PSMD1: variants seen among roughly 807,000 people sequenced by gnomAD.
PSMD1 encodes the protein proteasome 26S subunit, non-ATPase 1, also known as 26S proteasome non-ATPase regulatory subunit 1.
Under a neutral mutation model 119.0 loss-of-function variants are expected in PSMD1, and 18 were observed. The observed-to-expected ratio is 0.15, with a 90% CI of 0.10 to 0.22. PSMD1 has a LOEUF of 0.22. Among genes scored for constraint, PSMD1 ranks in the 10% least tolerant of loss-of-function variants. PSMD1 has a pLI of 1.00. For synonymous variants in PSMD1, 374 were observed against 396.6 expected, an observed-to-expected ratio of 0.94 and a Z score of 0.68; for missense variants, 702 against 1,158.5, an observed-to-expected ratio of 0.61 and a Z score of 5.72.
chr2:231,137,279 C>T (rs1574762784), intron 16 of PSMD1, among the ~76,000 whole-genome samples: 2 of 151,580 alleles, frequency 1.3e-5, no homozygotes, highest in East Asian at 3.9e-4. Flanking sequence ...CCATGCCTGG[C>T]TAATTTTTGT....
At position 231,120,760 on chromosome 2, in the gene PSMD1, T is replaced by C. The variant is rs571664726; in HGVS notation, c.1884-17976T>C. Among the ~76,000 whole-genome samples, 20 of 152,356 alleles carry C rather than the reference T, an allele frequency of 1.3e-4. 1 individual carries two copies. The South Asian group carries it at 4.1e-3, about 32-fold the overall frequency. On this transcript the variant is annotated intron_variant, in intron 16 of 24. Coordinates refer to ENST00000308696, the MANE Select transcript of PSMD1 (RefSeq NM_002807.4). Reference sequence around the variant, plus strand: ...TTTCATTGAATTCCCCTGCGATAGCTAAAATTATTGCTCATAGTGATAGTT... The same window carrying C: ...TTTCATTGAATTCCCCTGCGATAGCCAAAATTATTGCTCATAGTGATAGTT...
chr2:231,077,553 C>CA (rs1002352947), intron 9 of PSMD1, among the ~76,000 whole-genome samples: 28 of 145,842 alleles, frequency 1.9e-4, no homozygotes, highest in Admixed American at 6.8e-4. Context: ...TCTTTTATTA[C>CA]AAAAAAAAAA....
chr2:231,109,295 A>G, intron 16 of PSMD1: 1 of 1,614,194 alleles, frequency 6.2e-7, no homozygotes, highest in Non-Finnish European at 8.5e-7. Context: ...GAAGGCAGCC[A>G]GTGAGCCAAA....
At chr2:231,125,437 A>G (rs1056860875) in intron 16 of PSMD1, among the ~76,000 whole-genome samples, 3 of 152,184 alleles carry the variant, frequency 2.0e-5, no homozygotes. Flanking sequence ...AGTGATTTCT[A>G]CAGTTCTGAT....
intron 19 of PSMD1, among the ~76,000 whole-genome samples, chr2:231,159,543 T>G (rs1014510796): frequency 6.6e-6 from 1 of 152,224 alleles, no homozygotes; most frequent in African/African-American, 2.4e-5. Context: ...TACAGTTTGC[T>G]TCAGTCCCCA....
chr2:231,083,845 C>A, intron 14 of PSMD1, 82 bp downstream of exon 14: 1 of 1,343,174 alleles, frequency 7.4e-7, no homozygotes, highest in Non-Finnish European at 1.0e-6. Flanking sequence ...TAACTCTGTT[C>A]CCATCAGAAC....
intron 16 of PSMD1, among the ~76,000 whole-genome samples, chr2:231,096,693 T>G (rs567569915): frequency 1.2e-4 from 19 of 152,320 alleles, no homozygotes; most frequent in Non-Finnish European, 2.1e-4. Context: ...GATGGAGCAG[T>G]GGTGAGCGCA....
At chr2:231,118,874 T>C (rs528070099) in intron 16 of PSMD1, among the ~76,000 whole-genome samples, 17 of 152,362 alleles carry the variant, frequency 1.1e-4, no homozygotes, top group African/African-American at 3.6e-4. Context: ...CATGAACTTA[T>C]TGCAGCAGGA....
intron 16 of PSMD1, among the ~76,000 whole-genome samples, chr2:231,088,688 C>G (rs1694513362): frequency 6.6e-6 from 1 of 152,200 alleles, no homozygotes; most frequent in African/African-American, 2.4e-5. Flanking sequence ...ATCTCTCTCC[C>G]TCTTCTTGGG....
chr2:231,117,569 C>G (rs1323040062), intron 16 of PSMD1, among the ~76,000 whole-genome samples: 2 of 152,072 alleles, frequency 1.3e-5, no homozygotes, highest in African/African-American at 2.4e-5. Context: ...GTTTAATTAT[C>G]TAAAGAATAT....
chr2:231,074,327 A>C (rs1372497721), intron 7 of PSMD1, among the ~76,000 whole-genome samples: 2 of 152,190 alleles, frequency 1.3e-5, no homozygotes, highest in Admixed American at 6.5e-5. Flanking sequence ...GCTGGTCTCG[A>C]ACTCCTGACC....
chr2:231,161,242 A>AG, intron 19 of PSMD1, 98 bp from the exon 20 acceptor site: 1 of 1,263,030 alleles, frequency 7.9e-7, no homozygotes, highest in Non-Finnish European at 1.1e-6. Context: ...TCTCTTTAAA[A>AG]AAAAAAAAAA....
chr2:231,107,481 G>A (rs1695004139), intron 16 of PSMD1, among the ~76,000 whole-genome samples: 1 of 152,150 alleles, frequency 6.6e-6, no homozygotes, highest in Non-Finnish European at 1.5e-5. Flanking sequence ...AAAGTAGATT[G>A]AATTGTCTAC....
chr2:231,119,251 A>G (rs534975270), intron 16 of PSMD1, among the ~76,000 whole-genome samples: 6 of 152,210 alleles, frequency 3.9e-5, no homozygotes, highest in Admixed American at 3.9e-4. Flanking sequence ...AATAACTGCC[A>G]TTTTTCTCTT....
At chr2:231,137,148 C>G (rs1397923391) in intron 16 of PSMD1, among the ~76,000 whole-genome samples, 1 of 149,094 alleles carries the variant, frequency 6.7e-6, no homozygotes, top group Non-Finnish European at 1.5e-5. Context: ...GATGGAGTCT[C>G]GCTGTCTCAC....
chr2:231,078,791 C>CTTTTTTTTTTTTT (rs748353083), intron 10 of PSMD1, 44 bp downstream of exon 10: 36 of 342,878 alleles, frequency 1.0e-4, no homozygotes, highest in African/African-American at 3.3e-4. Flanking sequence ...AAATCTTTTT[C>CTTTTTTTTTTTTT]TTTTTTTTTT....
At chr2:231,171,549 ATTTTTT>A (rs568576394) in intron 24 of PSMD1, among the ~76,000 whole-genome samples, 1 of 117,274 alleles carries the variant, frequency 8.5e-6, no homozygotes. Flanking sequence ...TTTTCAGACA[ATTTTTT>A]TTTTTTTTTT....
intron 16 of PSMD1, among the ~76,000 whole-genome samples, chr2:231,089,824 T>G (rs1321653124): frequency 6.6e-6 from 1 of 152,128 alleles, no homozygotes; most frequent in African/African-American, 2.4e-5. Flanking sequence ...CTGCTTTATA[T>G]TCCCTGAGAG....
At position 231,116,326 on chromosome 2, in the gene PSMD1, C is replaced by G. The variant is rs115326702; in HGVS notation, c.1884-22410C>G. Among the ~76,000 whole-genome samples, 1,167 of 152,164 alleles carry G rather than the reference C, an allele frequency of 7.7e-3. 14 individuals are homozygous for G. Among genetic ancestry groups the G allele is most frequent in the African/African-American group, 0.027 (1,113 of 41,544 alleles). On this transcript the variant is annotated intron_variant, in intron 16 of 24. Transcript: ENST00000308696. ...AGTAGGGTGGTAGGAAAATACTCGT[C>G]TAGAGCTATAATCAGAGATATTGAT...
Sources: allele counts gnomAD v4.1 joint callset (sites outside exome capture counted in the v4.1 genomes callset), GRCh38; gene constraint gnomAD v4.1.1; transcripts MANE v1.5; gene names NCBI Gene and HGNC (gene_info 2026-07-23, HGNC 2026-07-21).